CCDC148: variants seen among roughly 807,000 people sequenced by gnomAD.
CCDC148 encodes coiled-coil domain containing 148.
In CCDC148, 89 loss-of-function variants were observed where a neutral mutation model predicts 85.7. That is an observed-to-expected ratio of 1.04 (90% CI 0.87 to 1.24). CCDC148 has a LOEUF of 1.24. CCDC148 is among the 50% of genes most tolerant of loss of function. The pLI is 0.00. For missense variants in CCDC148, 692 were observed against 671.7 expected, an observed-to-expected ratio of 1.03 and a Z score of -0.33; for synonymous variants, 230 against 213.9, an observed-to-expected ratio of 1.08 and a Z score of -0.66.
intron 11 of CCDC148, among the ~76,000 whole-genome samples, chr2:158,214,209 A>G (rs867605334): frequency 6.6e-6 from 1 of 151,496 alleles, no homozygotes; most frequent in African/African-American, 2.4e-5. Context: ...AACTAAAGGT[A>G]TCTTTCACTT....
intron 10 of CCDC148, among the ~76,000 whole-genome samples, chr2:158,242,759 G>C (rs1414148949): frequency 6.6e-6 from 1 of 151,486 alleles, no homozygotes; most frequent in African/African-American, 2.4e-5. Context: ...TAATGAGGTT[G>C]TTAGTGAACC....
intron 7 of CCDC148, among the ~76,000 whole-genome samples, chr2:158,315,977 A>T (rs1273431071): frequency 1.3e-5 from 2 of 152,002 alleles, no homozygotes; most frequent in African/African-American, 4.8e-5. Flanking sequence ...CCCTTCCTCT[A>T]TTTGGCTTCC....
At chr2:158,451,445 A>C (rs1688400266) in intron 1 of CCDC148, among the ~76,000 whole-genome samples, 1 of 152,150 alleles carries the variant, frequency 6.6e-6, no homozygotes, top group Non-Finnish European at 1.5e-5. Context: ...TAAACATCAG[A>C]GTCTATTTCT....
intron 1 of CCDC148, among the ~76,000 whole-genome samples, chr2:158,376,320 G>C (rs1201195945): frequency 3.9e-5 from 6 of 151,944 alleles, no homozygotes; most frequent in Non-Finnish European, 8.8e-5. Context: ...AGAAAGTTAA[G>C]TATACTACCA....
At position 158,354,606 on chromosome 2, in the gene CCDC148, A is replaced by T. The variant is rs1014000691; in HGVS notation, c.147+3843T>A. Among the ~76,000 whole-genome samples the T allele has an allele frequency of 1.3e-5, 2 of 152,322 alleles. 1 individual carries two copies. The highest frequency in any genetic ancestry group is 3.9e-4 in the East Asian group (2 of 5,182). On this transcript the variant is annotated intron_variant, in intron 2 of 13. Transcript: ENST00000283233. Reference sequence around the variant, plus strand: ...AATCAATAGCTTACCAACCAAAAAGAGTCCAGGACCAGATGGATTCACAGC... The same window carrying T: ...AATCAATAGCTTACCAACCAAAAAGTGTCCAGGACCAGATGGATTCACAGC...
At chr2:158,247,861 AAC>A (rs1254448316) in intron 10 of CCDC148, among the ~76,000 whole-genome samples, 3 of 152,160 alleles carry the variant, frequency 2.0e-5, no homozygotes, top group Admixed American at 2.0e-4. Flanking sequence ...GTCTCAAAAA[AAC>A]AGAGTGAATT....
intron 1 of CCDC148, among the ~76,000 whole-genome samples, chr2:158,429,402 TAGG>T (rs1687235522): frequency 6.7e-6 from 1 of 149,862 alleles, no homozygotes; most frequent in Admixed American, 6.7e-5. Context: ...GATAGATAGA[TAGG>T]AATACTTAGA....
Position 158,256,070 on chromosome 2 carries a change from AAAGT to A in CCDC148, c.1111-5162_1111-5159del, listed in dbSNP as rs560449859. Among the ~76,000 whole-genome samples the A allele has an allele frequency of 3.4e-4, 52 of 151,984 alleles. 1 individual carries two copies. The South Asian group carries it at 0.01, about 30-fold the overall frequency. On this transcript the variant is annotated intron_variant, in intron 9 of 13. Transcript: ENST00000283233. ...ATAAGCACACATTCTCAGAAAGAAC[AAAGT>A]AATAGAAAAACAAAAATGAAGCCCA... is the stretch of plus-strand genomic sequence containing the variant.
At chr2:158,261,576 A>G (rs1689225620) in intron 9 of CCDC148, among the ~76,000 whole-genome samples, 2 of 152,240 alleles carry the variant, frequency 1.3e-5, no homozygotes, top group South Asian at 4.1e-4. Flanking sequence ...AACAGAGTAA[A>G]AAGACAACCT....
At chr2:158,315,106 G>A (rs1304343326) in intron 7 of CCDC148, among the ~76,000 whole-genome samples, 1 of 152,202 alleles carries the variant, frequency 6.6e-6, no homozygotes, top group Non-Finnish European at 1.5e-5. Context: ...AAGTTCTTCA[G>A]TATGACATAA....
intron 9 of CCDC148, among the ~76,000 whole-genome samples, chr2:158,280,128 A>G (rs964316034): frequency 6.6e-6 from 1 of 152,186 alleles, no homozygotes; most frequent in East Asian, 1.9e-4. Context: ...TGAAGGAAGC[A>G]CTAAACATGG....
At chr2:158,183,349 A>G (rs1684997220) in intron 11 of CCDC148, among the ~76,000 whole-genome samples, 1 of 152,176 alleles carries the variant, frequency 6.6e-6, no homozygotes, top group Non-Finnish European at 1.5e-5. Flanking sequence ...GAGTATACAA[A>G]TGCAAATGTT....
At chr2:158,359,502 G>A (rs1271258753) in intron 1 of CCDC148, among the ~76,000 whole-genome samples, 1 of 152,138 alleles carries the variant, frequency 6.6e-6, no homozygotes, top group African/African-American at 2.4e-5. Flanking sequence ...CATTGGGACT[G>A]GTTAGACAGT....
intron 1 of CCDC148, among the ~76,000 whole-genome samples, chr2:158,436,192 T>A (rs542828154): frequency 6.6e-6 from 1 of 152,202 alleles, no homozygotes; most frequent in South Asian, 2.1e-4. Flanking sequence ...CAGCACCCCA[T>A]CACACTTATT....
intron 1 of CCDC148, among the ~76,000 whole-genome samples, chr2:158,442,170 T>C (rs1186757852): frequency 6.6e-6 from 1 of 152,188 alleles, no homozygotes; most frequent in African/African-American, 2.4e-5. Flanking sequence ...AAAGGTAGTA[T>C]TGAAAATAAA....
At chr2:158,404,013 A>G (rs190539459) in intron 1 of CCDC148, among the ~76,000 whole-genome samples, 1 of 152,242 alleles carries the variant, frequency 6.6e-6, no homozygotes, top group African/African-American at 2.4e-5. Context: ...CTTGGCTCCC[A>G]TTGCCTTTTG....
chr2:158,220,091 T>C (rs995579052), intron 11 of CCDC148, among the ~76,000 whole-genome samples: 1 of 152,234 alleles, frequency 6.6e-6, no homozygotes, highest in African/African-American at 2.4e-5. Context: ...GGCTACTTGA[T>C]CTCAAATGTC....
At chr2:158,282,815 C>T (rs535669770) in intron 9 of CCDC148, among the ~76,000 whole-genome samples, 77 of 152,192 alleles carry the variant, frequency 5.1e-4, no homozygotes, top group African/African-American at 1.8e-3. Flanking sequence ...GAGCCCACAT[C>T]GCCAAGTCAA....
At chr2:158,354,973 A>G (rs1277532531) in intron 2 of CCDC148, among the ~76,000 whole-genome samples, 2 of 152,210 alleles carry the variant, frequency 1.3e-5, no homozygotes, top group African/African-American at 4.8e-5. Flanking sequence ...GCCAAAGACA[A>G]AAACCACATC....
Sources: allele counts gnomAD v4.1 joint callset (sites outside exome capture counted in the v4.1 genomes callset), GRCh38; gene constraint gnomAD v4.1.1; transcripts MANE v1.5; gene names NCBI Gene and HGNC (gene_info 2026-07-23, HGNC 2026-07-21).